Variants in CEP83 observed in about 807,000 individuals in gnomAD.
CEP83 encodes the protein centrosomal protein of 83 kDa.
A neutral mutation model predicts 101.9 loss-of-function variants in CEP83; 70 were observed. The ratio of observed to expected loss-of-function variants is 0.69; its 90% CI spans 0.57 to 0.84. The LOEUF (loss-of-function observed/expected upper bound fraction) is 0.84. CEP83 is among the 40% of genes least tolerant of loss of function. The probability of loss-of-function intolerance (pLI) is 0.00; values close to 1 mark genes in which losing one functional copy is unlikely to be tolerated. For synonymous variants in CEP83, 264 were observed against 267.9 expected (o/e 0.99, Z 0.14); for missense variants, 715 against 787.2 (o/e 0.91, Z 1.10).
chr12:94,274,155 T>TAAAAAAAAAAA, the CEP83 span, among the ~76,000 whole-genome samples: 13 of 45,370 alleles, frequency 2.9e-4, no homozygotes, highest in South Asian at 1.6e-3. Context: ...ACCCTGTCTC[T>TAAAAAAAAAAA]AAAAAAAAAA....
chr12:94,436,024 G>T (rs370751513), intron 1 of CEP83, among the ~76,000 whole-genome samples: 1 of 152,120 alleles, frequency 6.6e-6, no homozygotes, highest in South Asian at 2.1e-4. Context: ...CCATCCCTAG[G>T]GGAAGGGGGT....
intron 13 of CEP83, 51 bp downstream of exon 13, chr12:94,333,431 T>G: frequency 1.4e-6 from 2 of 1,481,020 alleles, no homozygotes; most frequent in Non-Finnish European, 1.8e-6. Context: ...AATAAGTACA[T>G]GTTATATAGA....
chr12:94,286,025 C>T, the CEP83 span, among the ~76,000 whole-genome samples: 1 of 152,202 alleles, frequency 6.6e-6, no homozygotes, highest in African/African-American at 2.4e-5. Context: ...ACCACCACAG[C>T]TGTCTGCAAG....
At chr12:94,387,141 T>G (rs1414162308) in intron 6 of CEP83, among the ~76,000 whole-genome samples, 1 of 152,144 alleles carries the variant, frequency 6.6e-6, no homozygotes, top group African/African-American at 2.4e-5. Flanking sequence ...TTCTGGACAT[T>G]AGCCTTGGCA....
chr12:94,351,528 C>T (rs2060196784), intron 11 of CEP83, among the ~76,000 whole-genome samples: 1 of 152,202 alleles, frequency 6.6e-6, no homozygotes, highest in South Asian at 2.1e-4. Context: ...ACCTCAGCTA[C>T]ACAGAGCAGT....
Position 94,400,832 on chromosome 12 carries a change from G to A in CEP83, c.549+18C>T, listed in dbSNP as rs376338939. On this transcript the variant is annotated intron_variant, in intron 6 of 16. Coordinates refer to ENST00000397809, the MANE Select transcript of CEP83 (RefSeq NM_016122.3). ...GACCAGAACAATAACAAAGAAACTCGTATAATCAATCACTTACCTCTGATT... is the reference window on the plus strand; with the variant it reads ...GACCAGAACAATAACAAAGAAACTCATATAATCAATCACTTACCTCTGATT... 8.9e-5 allele frequency: 123 copies of A among 1,377,004 alleles called. No homozygotes were observed. Among genetic ancestry groups the A allele is most frequent in the African/African-American group, 6.5e-4 (44 of 67,350 alleles). The allele number at this position is 1,377,004 out of a possible 1,614,324, so 85.3% of individuals were successfully genotyped here.
chr12:94,300,411 G>T, the CEP83 span, among the ~76,000 whole-genome samples: 2 of 152,150 alleles, frequency 1.3e-5, no homozygotes, highest in Non-Finnish European at 2.9e-5. Context: ...GCACGTGCTT[G>T]CTTGGCCCAT....
At chr12:94,315,717 C>G (rs1435924430) in intron 14 of CEP83, among the ~76,000 whole-genome samples, 1 of 151,464 alleles carries the variant, frequency 6.6e-6, no homozygotes, top group Non-Finnish European at 1.5e-5. Context: ...ACCTATCACA[C>G]TTAGGTGTAT....
At chr12:94,283,329 G>A in the CEP83 span, among the ~76,000 whole-genome samples, 153 of 152,328 alleles carry the variant, frequency 1.0e-3, no homozygotes, top group African/African-American at 3.6e-3. Flanking sequence ...GGGAGAGCAT[G>A]CGTGTTAGAC....
rs147983657 is a variant in CEP83 at position 94,349,367 on chromosome 12, T to C, written c.1344-13703A>G. Among the ~76,000 whole-genome samples, 308 of 152,212 alleles carry C rather than the reference T, an allele frequency of 2.0e-3. 1 individual carries two copies. The highest frequency in any genetic ancestry group is 3.5e-3 in the Non-Finnish European group (241 of 68,010). On this transcript the variant is annotated intron_variant, in intron 11 of 16. Transcript: ENST00000397809. ...ACTACAAGAATAAACTTATTTCTCA[T>C]TGGCAAAAATGTGTTGACTGTAATG...
intron 4 of CEP83, 49 bp downstream of exon 4, chr12:94,411,647 CG>C: frequency 7.1e-7 from 1 of 1,410,090 alleles, no homozygotes; most frequent in East Asian, 2.3e-5. Context: ...ACTTCCACTA[CG>C]TATCTGACTG....
chr12:94,394,718 T>C (rs1007813554), intron 6 of CEP83, among the ~76,000 whole-genome samples: 1 of 152,132 alleles, frequency 6.6e-6, no homozygotes, highest in Non-Finnish European at 1.5e-5. Flanking sequence ...ATTTTTACAA[T>C]CTACTCATCT....
chr12:94,405,623 A>G (rs187725744), intron 4 of CEP83, among the ~76,000 whole-genome samples: 4 of 152,330 alleles, frequency 2.6e-5, no homozygotes, highest in Admixed American at 2.0e-4. Context: ...CTTGCCTGAA[A>G]CAAACAAAAG....
chr12:94,328,600 A>G (rs1311860265), intron 14 of CEP83, among the ~76,000 whole-genome samples: 1 of 152,240 alleles, frequency 6.6e-6, no homozygotes, highest in Non-Finnish European at 1.5e-5. Flanking sequence ...CTTATGAATT[A>G]TATTTATGTA....
chr12:94,333,697 G>C (rs2059335648), intron 12 of CEP83, 58 bp from the exon 13 acceptor site: 1 of 1,533,820 alleles, frequency 6.5e-7, no homozygotes, highest in Non-Finnish European at 8.9e-7. Flanking sequence ...GGTAAGGTAT[G>C]AGAGAAGCAG....
chr12:94,409,488 C>A (rs921969837), intron 4 of CEP83, among the ~76,000 whole-genome samples: 11 of 152,066 alleles, frequency 7.2e-5, no homozygotes, highest in African/African-American at 2.2e-4. Context: ...TCTATAAATA[C>A]AATTGGATCA....
In CEP83 at chr12:94,422,290, A is replaced by G. The variant is rs143075823; in HGVS notation, c.-101-9699T>C. Among the ~76,000 whole-genome samples the G allele has an allele frequency of 7.9e-4, 120 of 152,324 alleles. 1 individual carries two copies. In the East Asian group the frequency reaches 0.022, roughly 28 times the overall value. On this transcript the variant is annotated intron_variant, in intron 2 of 16. Transcript: ENST00000397809. ...AAATGACCCTGTCTCCTTTGTTTGT[A>G]TGTGCTCTCATGGCAAGACTGCTAG... is the stretch of plus-strand genomic sequence containing the variant.
chr12:94,406,049 T>C (rs1017290850), intron 4 of CEP83, among the ~76,000 whole-genome samples: 1 of 152,168 alleles, frequency 6.6e-6, no homozygotes, highest in Admixed American at 6.5e-5. Context: ...CAGATTAAAA[T>C]CCTTTGTTTC....
the CEP83 span, among the ~76,000 whole-genome samples, chr12:94,283,315 G>A: frequency 5.4e-3 from 823 of 152,310 alleles, 10 homozygotes; most frequent in African/African-American, 0.019. Flanking sequence ...CATCCAGCAG[G>A]GAAGGGAGAG....
Sources: allele counts gnomAD v4.1 joint callset (sites outside exome capture counted in the v4.1 genomes callset), GRCh38; gene constraint gnomAD v4.1.1; transcripts MANE v1.5; gene names NCBI Gene and HGNC (gene_info 2026-07-23, HGNC 2026-07-21).